PCBP3: variants seen among roughly 807,000 people sequenced by gnomAD.
PCBP3 encodes the protein poly(rC)-binding protein 3.
A neutral mutation model predicts 52.7 loss-of-function variants in PCBP3; 25 were observed. The observed-to-expected ratio is 0.47, with a 90% confidence interval of 0.35 to 0.66. The LOEUF is 0.66. PCBP3 is among the 30% of genes least tolerant of loss of function. PCBP3 has a pLI of 0.01. For missense variants in PCBP3, 391 were observed against 490.3 expected, an observed-to-expected ratio of 0.80 and a Z score of 1.91; for synonymous variants, 162 against 183.0, an observed-to-expected ratio of 0.89 and a Z score of 0.93.
chr21:45,674,068 T>C (rs983313423), intron 2 of PCBP3, among the ~76,000 whole-genome samples: 2 of 152,124 alleles, frequency 1.3e-5, no homozygotes, highest in Admixed American at 6.5e-5. Context: ...GATAATGAGA[T>C]TTTGTAATGG....
rs1334770869 is a variant in PCBP3, at chr21:45,784,610, G to A, written c.-126+29158G>A. Among the ~76,000 whole-genome samples, 13 of 152,314 alleles carry A rather than the reference G, an allele frequency of 8.5e-5. No homozygotes were observed. The South Asian group carries it at 2.7e-3, about 32-fold the overall frequency. On this transcript the variant is annotated intron_variant, in intron 4 of 17. Coordinates refer to ENST00000681687, the MANE Select transcript of PCBP3 (RefSeq NM_001384156.1). ...CGAGTGCCTGCAATTGCAGGCGCGC[G>A]CCGCCACGCCTGACTGGTTTTCGTA...
intron 2 of PCBP3, among the ~76,000 whole-genome samples, chr21:45,708,423 G>A (rs1472503290): frequency 6.6e-6 from 1 of 152,116 alleles, no homozygotes; most frequent in Non-Finnish European, 1.5e-5. Flanking sequence ...GAACCCTTGA[G>A]GAACACTGTT....
chr21:45,899,332 C>G (rs2095957630), intron 6 of PCBP3, among the ~76,000 whole-genome samples: 1 of 152,194 alleles, frequency 6.6e-6, no homozygotes, highest in Non-Finnish European at 1.5e-5. Context: ...CTGCCCTCCC[C>G]CGGGGCACTT....
chr21:45,862,040 A>G (rs1044318016), intron 5 of PCBP3, among the ~76,000 whole-genome samples: 1 of 152,174 alleles, frequency 6.6e-6, no homozygotes, highest in Admixed American at 6.5e-5. Flanking sequence ...CCCATGGTGG[A>G]TGGGATGTAA....
intron 2 of PCBP3, among the ~76,000 whole-genome samples, chr21:45,696,733 G>A (rs1277409993): frequency 1.3e-5 from 2 of 151,882 alleles, no homozygotes; most frequent in African/African-American, 2.4e-5. Context: ...AGAGGTTGCA[G>A]TGAGCCGAGA....
intron 5 of PCBP3, among the ~76,000 whole-genome samples, chr21:45,852,569 A>C (rs112942291): frequency 5.0e-3 from 539 of 108,646 alleles, no homozygotes; most frequent in African/African-American, 0.011. Context: ...GTTCAGAAGG[A>C]ACACAGCCCT....
Position 45,917,570 on chromosome 21 carries a change from G to GTC in PCBP3, c.676-4_676-3dup, listed in dbSNP as rs548673780. Reference sequence around the variant, plus strand: ...TGCAGCCAGGTTGCAGTCTGACGGGGTCTCTCTCTCTCTCTAGGCCTACAC... The same window carrying GTC: ...TGCAGCCAGGTTGCAGTCTGACGGGGTCTCTCTCTCTCTCTCTAGGCCTACAC... On this transcript the variant is annotated splice_polypyrimidine_tract_variant and intron_variant, in intron 12 of 17. Transcript: ENST00000681687. The surrounding 1 kb of genome is among the most constrained non-coding windows in gnomAD (Gnocchi z 5.3). 2.0e-4 allele frequency: 303 copies of GTC among 1,549,920 alleles called. 1 individual carries two copies. The highest frequency in any genetic ancestry group is 2.3e-4 in the Non-Finnish European group (266 of 1,134,010).
chr21:45,702,607 A>AAG (rs2083200470), intron 2 of PCBP3, among the ~76,000 whole-genome samples: 1 of 152,238 alleles, frequency 6.6e-6, no homozygotes, highest in Non-Finnish European at 1.5e-5. Flanking sequence ...AAATGCTAAT[A>AAG]ATCATCTGAG....
At chr21:45,688,618 A>C (rs1366468471) in intron 2 of PCBP3, among the ~76,000 whole-genome samples, 2 of 152,104 alleles carry the variant, frequency 1.3e-5, no homozygotes, top group Admixed American at 6.5e-5. Flanking sequence ...AAAATAATAA[A>C]GTTAAGAATA....
chr21:45,784,958 C>T (rs1426601884), intron 4 of PCBP3, among the ~76,000 whole-genome samples: 1 of 151,690 alleles, frequency 6.6e-6, no homozygotes, highest in East Asian at 2.0e-4. Context: ...TGCCTGGCTG[C>T]CCAGTCTGGA....
At chr21:45,913,850 G>A (rs2096453058) in intron 11 of PCBP3, 101 bp from the exon 12 acceptor site, 8 of 1,084,120 alleles carry the variant, frequency 7.4e-6, no homozygotes, top group South Asian at 5.9e-5. Context: ...GCGTGGAGCT[G>A]GTGCAGGGGG....
intron 6 of PCBP3, among the ~76,000 whole-genome samples, chr21:45,896,923 AAAGGCG>A (rs2149029291): frequency 8.3e-6 from 1 of 120,130 alleles, no homozygotes; most frequent in African/African-American, 3.7e-5. Flanking sequence ...TCTCTGTAGG[AAAGGCG>A]GACATGGCAC....
chr21:45,838,293 TG>T (rs2093632548), intron 4 of PCBP3, among the ~76,000 whole-genome samples: 1 of 152,230 alleles, frequency 6.6e-6, no homozygotes, highest in Non-Finnish European at 1.5e-5. Flanking sequence ...ACATCAGTCT[TG>T]GATGGCTTTA....
At chr21:45,680,361 C>T (rs112305476) in intron 2 of PCBP3, among the ~76,000 whole-genome samples, 12 of 152,160 alleles carry the variant, frequency 7.9e-5, no homozygotes, top group African/African-American at 2.9e-4. Flanking sequence ...CTTAGTATGT[C>T]TCCATTTATT....
intron 1 of PCBP3, among the ~76,000 whole-genome samples, chr21:45,666,535 A>G (rs1464007317): frequency 6.6e-6 from 1 of 152,020 alleles, no homozygotes; most frequent in African/African-American, 2.4e-5. Context: ...CTTGTTAGGT[A>G]GGTTTTCTAG....
intron 15 of PCBP3, among the ~76,000 whole-genome samples, chr21:45,932,011 GTC>G (rs2076271238): frequency 7.1e-6 from 1 of 141,652 alleles, no homozygotes. Context: ...GAATGAACAT[GTC>G]GGCCGTGCCG....
intron 16 of PCBP3, among the ~76,000 whole-genome samples, chr21:45,939,334 G>A (rs931530402): frequency 7.2e-5 from 11 of 152,274 alleles, no homozygotes; most frequent in East Asian, 3.9e-4. Context: ...TGTCCCCGAC[G>A]CCCCTCATGG....
intron 5 of PCBP3, among the ~76,000 whole-genome samples, chr21:45,895,463 C>A (rs182024816): frequency 6.6e-6 from 1 of 152,176 alleles, no homozygotes; most frequent in African/African-American, 2.4e-5. Context: ...GGAGCAGGGT[C>A]CCCACCGTGC....
intron 9 of PCBP3, among the ~76,000 whole-genome samples, chr21:45,905,375 C>T (rs1399686400): frequency 6.6e-6 from 1 of 152,232 alleles, no homozygotes; most frequent in Non-Finnish European, 1.5e-5. Flanking sequence ...CCTCTGTTTC[C>T]AGAGCATCCA....
Sources: gnomAD v4.1 joint callset for allele counts (sites outside exome capture counted in the v4.1 genomes callset) on GRCh38, gnomAD v4.1.1 for gene constraint, Gnocchi (gnomAD v3.1) non-coding constraint, MANE v1.5 for transcripts, NCBI Gene and HGNC (gene_info 2026-07-23, HGNC 2026-07-21) for gene names.